IFT52: variants seen among roughly 807,000 people sequenced by gnomAD.
The protein encoded by IFT52 is intraflagellar transport protein 52 homolog.
IFT52 carries 44 observed loss-of-function variants against 54.4 expected under a neutral mutation model. That is an observed-to-expected ratio of 0.81 (90% CI 0.63 to 1.04). The LOEUF is 1.04. IFT52 is among the 50% of genes least tolerant of loss of function. The probability of loss-of-function intolerance (pLI) is 0.00; values close to 1 mark genes in which losing one functional copy is unlikely to be tolerated. For synonymous variants in IFT52, 181 were observed against 185.3 expected (o/e 0.98, Z 0.19); for missense variants, 452 against 523.6 (o/e 0.86, Z 1.33).
chr20:43,610,746 A>G (rs1345992628), intron 6 of IFT52, among the ~76,000 whole-genome samples: 2 of 152,044 alleles, frequency 1.3e-5, no homozygotes, highest in African/African-American at 4.8e-5. Flanking sequence ...CTCAAAAAAA[A>G]AAGAAAAAAA....
chr20:43,646,898 T>C, intron 13 of IFT52, 38 bp from the exon 14 acceptor site: 1 of 1,557,872 alleles, frequency 6.4e-7, no homozygotes, highest in Non-Finnish European at 8.9e-7. Flanking sequence ...GGCTTTATAC[T>C]GAAATACTAA....
At chr20:43,624,090 GTGTT>G (rs1330359188) in intron 10 of IFT52, 45 bp downstream of exon 10, 1 of 1,595,096 alleles carries the variant, frequency 6.3e-7, no homozygotes, top group Non-Finnish European at 8.6e-7. Context: ...TCCATTCTGA[GTGTT>G]TGGTTTGGAA....
chr20:43,642,633 C>G lies in IFT52; in HGVS notation c.1266+9C>G. 3 of 1,613,344 alleles carry G rather than the reference C, an allele frequency of 1.9e-6. No homozygotes were observed. Among genetic ancestry groups the G allele is most frequent in the Non-Finnish European group, 2.5e-6 (3 of 1,179,572 alleles). On this transcript the variant is annotated intron_variant, in intron 13 of 13. Transcript: ENST00000373030. ...TCAAGAAATTGAACCAGGTACAGAG[C>G]CTACAAGGCACAGTGTAGTGGGAGC...
chr20:43,593,689 C>T (rs890499428), intron 1 of IFT52, among the ~76,000 whole-genome samples: 1 of 152,104 alleles, frequency 6.6e-6, no homozygotes, highest in Non-Finnish European at 1.5e-5. Context: ...TTCACCTCAG[C>T]CTCCCGAATA....
intron 10 of IFT52, among the ~76,000 whole-genome samples, chr20:43,628,592 C>A (rs1984920730): frequency 6.6e-6 from 1 of 152,182 alleles, no homozygotes; most frequent in Non-Finnish European, 1.5e-5. Context: ...ATGGCTCACG[C>A]CTGTAATCCC....
Position 43,619,024 on chromosome 20 carries a change from A to G in IFT52, c.697A>G (p.Met233Val), listed in dbSNP as rs1984074252. 4 of 1,600,118 alleles carry G rather than the reference A, an allele frequency of 2.5e-6. No homozygotes were observed. Among genetic ancestry groups the G allele is most frequent in the Non-Finnish European group, 2.6e-6 (3 of 1,167,866 alleles). ...YLDKEENSKIMDVVFQWLTTG... is the reference protein window; with the variant it reads ...YLDKEENSKIVDVVFQWLTTG... The stretch of plus-strand genomic sequence containing the variant: ...GGACAAAGAAGAAAACAGCAAAATC[A>G]TGGTAAGCTTTTTCTTTTGTCATAT... Residue 233 changes from methionine (M) to valine (V), a missense_variant and splice_region_variant, in exon 8 of 14, where the codon ATG becomes GTG. Met to Val is a conservative substitution (Grantham distance 21, BLOSUM62 1). Transcript: ENST00000373030.
intron 7 of IFT52, among the ~76,000 whole-genome samples, chr20:43,618,528 C>G (rs1289789996): frequency 6.6e-6 from 1 of 152,144 alleles, no homozygotes; most frequent in Non-Finnish European, 1.5e-5. Flanking sequence ...GTTGCCCAGG[C>G]TGGAGTACAG....
At chr20:43,621,758 C>T (rs1319949255) in intron 9 of IFT52, among the ~76,000 whole-genome samples, 1 of 152,212 alleles carries the variant, frequency 6.6e-6, no homozygotes, top group African/African-American at 2.4e-5. Context: ...CCACTGGGCC[C>T]AGCCTTCTAG....
intron 3 of IFT52, among the ~76,000 whole-genome samples, chr20:43,597,902 A>AC (rs1373962278): frequency 5.3e-5 from 8 of 151,200 alleles, no homozygotes; most frequent in South Asian, 2.1e-4. Context: ...AAAAAAAAAA[A>AC]AAAAAAAAAC....
intron 3 of IFT52, among the ~76,000 whole-genome samples, chr20:43,599,993 TTAATG>T (rs1271717843): frequency 6.6e-6 from 1 of 152,128 alleles, no homozygotes; most frequent in Non-Finnish European, 1.5e-5. Flanking sequence ...CTTCCTAACT[TTAATG>T]TACAGAAATT....
At chr20:43,611,435 G>A (rs1415742573) in intron 6 of IFT52, among the ~76,000 whole-genome samples, 1 of 127,366 alleles carries the variant, frequency 7.9e-6, no homozygotes, top group Non-Finnish European at 1.6e-5. Context: ...TTATCAAAAT[G>A]TCAGTCTTTT....
At chr20:43,634,589 AT>A (rs1985394797) in intron 10 of IFT52, among the ~76,000 whole-genome samples, 3 of 152,142 alleles carry the variant, frequency 2.0e-5, no homozygotes, top group Admixed American at 1.3e-4. Context: ...GTTAGAATGC[AT>A]ATTCTATTTA....
At chr20:43,626,931 G>A (rs537309445) in intron 10 of IFT52, among the ~76,000 whole-genome samples, 12 of 152,114 alleles carry the variant, frequency 7.9e-5, no homozygotes, top group South Asian at 2.1e-4. Context: ...TTGGGAGGCC[G>A]AGGTGGGTGG....
At chr20:43,632,838 A>G (rs1985264912) in intron 10 of IFT52, among the ~76,000 whole-genome samples, 1 of 152,228 alleles carries the variant, frequency 6.6e-6, no homozygotes, top group South Asian at 2.1e-4. Context: ...AGGAGTTGCA[A>G]GATTCACTGT....
rs1308985192 is a variant in IFT52 at position 43,605,204 on chromosome 20, G to A, written c.485+131G>A. On this transcript the variant is annotated intron_variant, in intron 6 of 13. Coordinates refer to ENST00000373030, the MANE Select transcript of IFT52 (RefSeq NM_016004.5). ...TGAACAGTTCAAGAGGAAAAAAGTA[G>A]AAGCTCTGCACTGTAAGTCCATGCT... The A allele has an allele frequency of 4.8e-6, 7 of 1,465,248 alleles. No individual in the cohort carries two copies. The East Asian group carries it at 1.6e-4, about 33-fold the overall frequency. 90.8% of individuals were successfully genotyped at this position (1,465,248 alleles called of 1,614,324 possible).
At chr20:43,604,336 A>G in intron 5 of IFT52, 78 bp downstream of exon 5, 2 of 1,010,408 alleles carry the variant, frequency 2.0e-6, no homozygotes, top group Non-Finnish European at 3.1e-6. Flanking sequence ...TGGGAAGCCA[A>G]GGTGGATGGA....
At chr20:43,620,975 C>T (rs1190209114) in intron 9 of IFT52, 50 bp downstream of exon 9, 2 of 1,255,274 alleles carry the variant, frequency 1.6e-6, no homozygotes, top group Non-Finnish European at 2.3e-6. Flanking sequence ...AGTCCAGCTT[C>T]TCAGTACCAC....
chr20:43,615,766 C>T (rs542848579), intron 7 of IFT52, among the ~76,000 whole-genome samples: 1 of 151,904 alleles, frequency 6.6e-6, no homozygotes, highest in Non-Finnish European at 1.5e-5. Flanking sequence ...GTGAAACCCC[C>T]TCTCTACTAA....
chr20:43,619,294 A>G (rs1984091933), intron 8 of IFT52, among the ~76,000 whole-genome samples: 1 of 152,064 alleles, frequency 6.6e-6, no homozygotes, highest in Non-Finnish European at 1.5e-5. Context: ...GAGCCTGGAG[A>G]AGCGGAGAGG....
Sources: gnomAD v4.1 joint callset for allele counts (sites outside exome capture counted in the v4.1 genomes callset) on GRCh38, gnomAD v4.1.1 for gene constraint, MANE v1.5 for transcripts, NCBI Gene and HGNC (gene_info 2026-07-23, HGNC 2026-07-21) for gene names.